Variants in PRAP1 observed in about 807,000 individuals in gnomAD.
PRAP1 encodes the protein proline-rich acidic protein 1.
PRAP1 carries 12 observed loss-of-function variants against 14.6 expected under a neutral mutation model. That is an observed-to-expected ratio of 0.82 (90% CI 0.53 to 1.33). The LOEUF (loss-of-function observed/expected upper bound fraction) is 1.33, where lower values mean the gene tolerates loss of function less well. Among genes scored for constraint, PRAP1 ranks in the 40% most tolerant of loss-of-function variants. The pLI, the probability that PRAP1 is intolerant of heterozygous loss-of-function variation, is 0.00. For missense variants in PRAP1, 160 were observed against 193.7 expected (o/e 0.83, Z 1.03); for synonymous variants, 81 against 80.3 (o/e 1.01, Z -0.04).
chr10:133,351,323 C>G lies in PRAP1; in HGVS notation c.76-58C>G. 1 of 1,473,794 alleles carries G rather than the reference C, an allele frequency of 6.8e-7. No individual in the cohort carries two copies. Among genetic ancestry groups the G allele is most frequent in the South Asian group, 1.2e-5 (1 of 83,450 alleles). 91.3% of individuals were successfully genotyped at this position (1,473,794 alleles called of 1,614,324 possible). A position where few individuals can be genotyped will look rare whatever the true frequency, so the allele number is the denominator to read the frequency against. On this transcript the variant is annotated intron_variant, in intron 2 of 4. Transcript: ENST00000433452. The surrounding 1 kb of genome is among the most constrained non-coding windows in gnomAD (Gnocchi z 4.3). ...GGTGGGCCTCGGAGCAACCTCTCCC[C>G]AGGTGTCCTCCACCCGCGTGGACTG...
In PRAP1 at chr10:133,352,293, G is replaced by A. The variant is rs758742435; in HGVS notation, c.309G>A (p.Leu103=). 1.9e-6 allele frequency: 3 copies of A among 1,613,058 alleles called. No homozygotes were observed. The highest frequency in any genetic ancestry group is 8.5e-7 in the Non-Finnish European group (1 of 1,179,958). ...METEDTLGHV[L]SPEPDHDSLY... ...CCGAGGACACCCTGGGCCATGTCCT[G>A]AGTCCCGAGCCCGACCATGACAGCC... Residue 103 remains leucine, a synonymous_variant, in exon 5 of 5, where the codon CTG becomes CTA. Coordinates refer to ENST00000433452, the MANE Select transcript of PRAP1 (RefSeq NM_145202.5).
intron 1 of PRAP1, among the ~76,000 whole-genome samples, chr10:133,349,346 G>GAACTCAC (rs1015998005): frequency 6.7e-5 from 10 of 148,712 alleles, no homozygotes; most frequent in Admixed American, 4.7e-4. Flanking sequence ...ACGCACCCCC[G>GAACTCAC]AACTCACACA....
At chr10:133,350,497 C>T (rs1848659748) in intron 2 of PRAP1, 1 of 277,014 alleles carries the variant, frequency 3.6e-6, no homozygotes, top group Non-Finnish European at 6.9e-6. Flanking sequence ...CCGGATGACA[C>T]CCACGTGGTC....
In PRAP1 at chr10:133,347,513, G is replaced by T; in HGVS notation, c.8+88G>T. ...GCCAGAGGGGGCCCAGCTGTGCTGCGCTCCAGGGGGCCTGGTTCAGGGGAG... is the reference window on the plus strand; with the variant it reads ...GCCAGAGGGGGCCCAGCTGTGCTGCTCTCCAGGGGGCCTGGTTCAGGGGAG... On this transcript the variant is annotated intron_variant, in intron 1 of 4. Coordinates refer to ENST00000433452, the MANE Select transcript of PRAP1 (RefSeq NM_145202.5). The surrounding 1 kb of genome is among the most constrained non-coding windows in gnomAD (Gnocchi z 5.0). 7.5e-7 allele frequency: 1 copy of T among 1,325,410 alleles called. No individual in the cohort carries two copies. The highest frequency in any genetic ancestry group is 2.2e-5 in the Admixed American group (1 of 45,790). 82.1% of individuals were successfully genotyped at this position (1,325,410 alleles called of 1,614,324 possible). A position where few individuals can be genotyped will look rare whatever the true frequency, so the allele number is the denominator to read the frequency against.
chr10:133,350,196 C>T (rs1304932605), intron 2 of PRAP1, 35 bp downstream of exon 2: 1 of 1,576,226 alleles, frequency 6.3e-7, no homozygotes, highest in African/African-American at 1.3e-5. Flanking sequence ...GGCAGCAACT[C>T]CAGTTGTCAC....
intron 1 of PRAP1, among the ~76,000 whole-genome samples, chr10:133,348,518 T>G (rs1455362875): frequency 6.6e-6 from 1 of 151,804 alleles, no homozygotes; most frequent in African/African-American, 2.4e-5. Context: ...TTTTGTTTTT[T>G]TTTTTTTGAG....
In PRAP1 at chr10:133,352,076, G is replaced by A; in HGVS notation, c.198G>A (p.Gln66=). ...DDQLVVLFPV[Q]KPKLLTTEEK... ...AGCTGGTGGTGCTGTTCCCTGTCCAGAAGCCGAAACTCTTGACCACCGAGG... is the reference window on the plus strand; with the variant it reads ...AGCTGGTGGTGCTGTTCCCTGTCCAAAAGCCGAAACTCTTGACCACCGAGG... The change falls in exon 4 of 5, where the codon CAG becomes CAA. Residue 66 remains glutamine (Q), a synonymous_variant. Coordinates refer to ENST00000433452, the MANE Select transcript of PRAP1 (RefSeq NM_145202.5). The A allele has an allele frequency of 6.2e-7, 1 of 1,612,972 alleles. No individual in the cohort carries two copies. Among genetic ancestry groups the A allele is most frequent in the Non-Finnish European group, 8.5e-7 (1 of 1,179,952 alleles).
intron 2 of PRAP1, chr10:133,350,849 C>G (rs570145747): frequency 6.4e-6 from 1 of 156,432 alleles, no homozygotes; most frequent in Non-Finnish European, 1.4e-5. Context: ...CCCCTGGGGT[C>G]ACCTGCTTTG....
chr10:133,350,083 G>T lies in PRAP1; in HGVS notation c.9-12G>T, dbSNP rs780994181. The T allele has an allele frequency of 6.2e-7, 1 of 1,608,730 alleles. No individual in the cohort carries two copies. The highest frequency in any genetic ancestry group is 1.7e-5 in the Admixed American group (1 of 59,762). On this transcript the variant is annotated splice_polypyrimidine_tract_variant and intron_variant, in intron 1 of 4. Transcript: ENST00000433452. ...CCCCTACCTCACACTTCCCTCTCTG[G>T]CCCCCCCTCAGGCTCCTCCTGGTCA...
chr10:133,352,110 C>T lies in PRAP1; in HGVS notation c.232C>T (p.Arg78Ter), dbSNP rs151200093. 17 of 1,613,020 alleles carry T rather than the reference C, an allele frequency of 1.1e-5. No individual in the cohort carries two copies. Among genetic ancestry groups the T allele is most frequent in the African/African-American group, 1.3e-5 (1 of 74,904 alleles). Residue 78 changes from arginine (R) to a stop codon, truncating the protein, a stop_gained, in exon 4 of 5, where the codon CGA becomes TGA. Transcript: ENST00000433452. LOFTEE classifies it low-confidence loss of function (END_TRUNC). ...PKLLTTEEKP[R>*]GQGRGPILPG... ...ACTCTTGACCACCGAGGAGAAGCCA[C>T]GAGGTCAGGGCAGGGGCCCCATCCT...
chr10:133,347,617 G>A lies in PRAP1; in HGVS notation c.8+192G>A, dbSNP rs1018457772. ...CAGGCTCTACCTCCTCTGTGGCCCC[G>A]AGTGCACTTGCCTCTTGGTTCCCCT... On this transcript the variant is annotated intron_variant, in intron 1 of 4. Transcript: ENST00000433452. This position sits in a 1 kb window ranked among gnomAD's most constrained non-coding sequence, Gnocchi z 5.0. Among the ~76,000 whole-genome samples the A allele has an allele frequency of 1.3e-5, 2 of 152,210 alleles. No homozygotes were observed. Among genetic ancestry groups the A allele is most frequent in the Non-Finnish European group, 2.9e-5 (2 of 68,016 alleles).
At position 133,351,385 on chromosome 10, in the gene PRAP1, C is replaced by T; in HGVS notation, c.80C>T (p.Pro27Leu). 1 of 1,611,840 alleles carries T rather than the reference C, an allele frequency of 6.2e-7. No individual in the cohort carries two copies. Among genetic ancestry groups the T allele is most frequent in the Non-Finnish European group, 8.5e-7 (1 of 1,179,062 alleles). ...EAGAVPAPKV[P>L]IKMQVKHWPS... is the part of the protein sequence containing the mutation. ...ACACCTGTGACTCTCCCCCAGGTCC[C>T]TATCAAGATGCAAGTCAAACACTGG... is the stretch of plus-strand genomic sequence containing the variant. Residue 27 changes from proline (P) to leucine (L), a missense_variant, in exon 3 of 5, where the codon CCT becomes CTT. Physicochemically the swap from Pro to Leu is moderately conservative, Grantham distance 98. Coordinates refer to ENST00000433452, the MANE Select transcript of PRAP1 (RefSeq NM_145202.5). The surrounding 1 kb of genome is among the most constrained non-coding windows in gnomAD (Gnocchi z 4.3).
rs145678335 is a variant in PRAP1 at position 133,351,426 on chromosome 10, C to T, written c.121C>T (p.Pro41Ser). Residue 41 changes from proline (P) to serine (S), a missense_variant, in exon 3 of 5, where the codon CCA (proline) becomes TCA (serine). By Grantham distance (74) the Pro-to-Ser change is moderately conservative. Transcript: ENST00000433452. This position sits in a 1 kb window ranked among gnomAD's most constrained non-coding sequence, Gnocchi z 4.3. The part of the protein sequence containing the change: ...QVKHWPSEQD[P>S]EKAWGARVVE... Reference sequence around the variant, plus strand: ...CAAACACTGGCCCTCAGAGCAGGACCCAGAGAAGTAAGTCCCCCCAACCCC... The same window carrying T: ...CAAACACTGGCCCTCAGAGCAGGACTCAGAGAAGTAAGTCCCCCCAACCCC... 2 of 1,609,200 alleles carry T rather than the reference C, an allele frequency of 1.2e-6. No individual in the cohort carries two copies. The highest frequency in any genetic ancestry group is 1.7e-6 in the Non-Finnish European group (2 of 1,177,724).
chr10:133,350,032 C>A, intron 1 of PRAP1, 63 bp from the exon 2 acceptor site: 1 of 1,488,600 alleles, frequency 6.7e-7, no homozygotes, highest in Non-Finnish European at 9.2e-7. Flanking sequence ...CATCAGGGTG[C>A]TGCCTGGAGT....
chr10:133,347,439 C>A lies in PRAP1; in HGVS notation c.8+14C>A, dbSNP rs534051437. On this transcript the variant is annotated intron_variant, in intron 1 of 4. Coordinates refer to ENST00000433452, the MANE Select transcript of PRAP1 (RefSeq NM_145202.5). The surrounding 1 kb of genome is among the most constrained non-coding windows in gnomAD (Gnocchi z 5.0). ...AGACATGAGGAGGTAATGCCACCAT[C>A]CCTGAGCCCCAATCCCCACCCCACC... 6.2e-7 allele frequency: 1 copy of A among 1,610,270 alleles called. No homozygotes were observed. The highest frequency in any genetic ancestry group is 1.1e-5 in the South Asian group (1 of 90,562).
Position 133,347,669 on chromosome 10 carries a change from C to T in PRAP1, c.8+244C>T, listed in dbSNP as rs1848606963. Among the ~76,000 whole-genome samples the T allele has an allele frequency of 6.6e-6, 1 of 152,152 alleles. No homozygotes were observed. On this transcript the variant is annotated intron_variant, in intron 1 of 4. Transcript: ENST00000433452. The surrounding 1 kb of genome is among the most constrained non-coding windows in gnomAD (Gnocchi z 5.0). ...GCCTGGTGGAGAATCACCCAGGGAC[C>T]CCCACCCGGAACAAGGAAAGGGGAG...
chr10:133,350,399 T>C (rs946373530), intron 2 of PRAP1, among the ~76,000 whole-genome samples: 2 of 151,962 alleles, frequency 1.3e-5, no homozygotes, highest in African/African-American at 4.8e-5. Flanking sequence ...CCTAGGTGGA[T>C]GATGTGGGTC....
Position 133,352,404 on chromosome 10 carries a change from G to A in PRAP1, c.420G>A (p.Pro140=), listed in dbSNP as rs145337729. ...VMPNHQVLLG[P]EEDQDHIYHP... is the part of the protein sequence containing the mutation. ...CAAATCACCAGGTGCTCCTGGGACCGGAGGAAGACCAAGACCACATCTACC... is the reference window on the plus strand; with the variant it reads ...CAAATCACCAGGTGCTCCTGGGACCAGAGGAAGACCAAGACCACATCTACC... The change falls in exon 5 of 5, where the codon CCG becomes CCA. Residue 140 remains proline, a synonymous_variant. Coordinates refer to ENST00000433452, the MANE Select transcript of PRAP1 (RefSeq NM_145202.5). 5.4e-5 allele frequency: 87 copies of A among 1,612,866 alleles called. No individual in the cohort carries two copies. Among genetic ancestry groups the A allele is most frequent in the Admixed American group, 2.3e-4 (14 of 60,002 alleles).
At chr10:133,349,994 G>A (rs1256977408) in intron 1 of PRAP1, 101 bp from the exon 2 acceptor site, 3 of 1,021,378 alleles carry the variant, frequency 2.9e-6, no homozygotes, top group African/African-American at 3.3e-5. Context: ...CTCCCAAGGA[G>A]GAACCCAGCC....
Sources: gnomAD v4.1 joint callset for allele counts (sites outside exome capture counted in the v4.1 genomes callset) on GRCh38, gnomAD v4.1.1 for gene constraint, Gnocchi (gnomAD v3.1) non-coding constraint, MANE v1.5 for transcripts, NCBI Gene and HGNC (gene_info 2026-07-23, HGNC 2026-07-21) for gene names.